PTPRM: variants seen among roughly 807,000 people sequenced by gnomAD.
The protein encoded by PTPRM is receptor-type tyrosine-protein phosphatase mu.
A neutral mutation model predicts 186.7 loss-of-function variants in PTPRM; 47 were observed. That is an observed-to-expected ratio of 0.25 (90% CI 0.20 to 0.32). PTPRM has a LOEUF of 0.32. Ranked by LOEUF, PTPRM falls within the 10% of genes least tolerant of loss-of-function variation. The pLI is 1.00. For synonymous variants in PTPRM, 668 were observed against 674.9 expected (o/e 0.99, Z 0.16); for missense variants, 1,494 against 1,865.0 (o/e 0.80, Z 3.66).
intron 2 of PTPRM, among the ~76,000 whole-genome samples, chr18:7,786,137 G>A (rs1464385117): frequency 3.9e-5 from 6 of 152,132 alleles, no homozygotes; most frequent in Non-Finnish European, 8.8e-5. Flanking sequence ...TATTCTAGGA[G>A]ATTGTGATGA....
chr18:8,319,267 A>G (rs1601788646), intron 22 of PTPRM, 53 bp downstream of exon 22: 1 of 1,346,892 alleles, frequency 7.4e-7, no homozygotes, highest in East Asian at 2.3e-5. Context: ...CCCACTTCCT[A>G]TCATTTTGTA....
chr18:8,292,065 T>C (rs2095049103), intron 19 of PTPRM, among the ~76,000 whole-genome samples: 1 of 152,166 alleles, frequency 6.6e-6, no homozygotes, highest in Non-Finnish European at 1.5e-5. Flanking sequence ...CTGAGAATTG[T>C]TAGCCAGGAA....
rs554442866 is a variant in PTPRM, at chr18:8,206,206, G to A, written c.2301-37852G>A. Among the ~76,000 whole-genome samples the A allele has an allele frequency of 1.3e-3, 200 of 152,110 alleles. 1 individual carries two copies. Among genetic ancestry groups the A allele is most frequent in the African/African-American group, 4.7e-3 (193 of 41,442 alleles). On this transcript the variant is annotated intron_variant, in intron 14 of 32. Coordinates refer to ENST00000580170, the MANE Select transcript of PTPRM (RefSeq NM_001105244.2). Reference sequence around the variant, plus strand: ...GAAATGCAGAGTGAGATGAGGGGGAGAGAGAAGACTGGAGGCACAAAAAGA... The same window carrying A: ...GAAATGCAGAGTGAGATGAGGGGGAAAGAGAAGACTGGAGGCACAAAAAGA...
chr18:8,376,190 G>T lies in PTPRM; in HGVS notation c.3316G>T (p.Val1106Leu). Residue 1106 changes from valine to leucine, a missense_variant, in exon 25 of 33, where the codon GTG (valine) becomes TTG (leucine). Val to Leu is a conservative substitution (Grantham distance 32). Transcript: ENST00000580170. Reference protein sequence around the residue: ...KSPPSAGPLVVHCSAGAGRTG... With the variant: ...KSPPSAGPLVLHCSAGAGRTG... The stretch of plus-strand genomic sequence containing the variant: ...CCCGCCCAGTGCAGGCCCACTGGTG[G>T]TGCACTGCAGGTAAGCAGAGCTCCA... The T allele has an allele frequency of 6.2e-7, 1 of 1,611,702 alleles. No individual in the cohort carries two copies. The highest frequency in any genetic ancestry group is 1.1e-5 in the South Asian group (1 of 91,062).
chr18:8,297,525 C>T lies in PTPRM; in HGVS notation c.2842+1070C>T, dbSNP rs539272866. On this transcript the variant is annotated intron_variant, in intron 20 of 32. Coordinates refer to ENST00000580170, the MANE Select transcript of PTPRM (RefSeq NM_001105244.2). ...GCCATGAGCCACATAGGAGTAGCTGCACTGTGTACTTGGAATATGGCCGTA... is the reference window on the plus strand; with the variant it reads ...GCCATGAGCCACATAGGAGTAGCTGTACTGTGTACTTGGAATATGGCCGTA... 8.5e-5 allele frequency among the ~76,000 whole-genome samples: 13 copies of T among 152,316 alleles called. No homozygotes were observed. The East Asian group carries it at 2.5e-3, about 29-fold the overall frequency.
chr18:7,652,937 C>T (rs1334321051), intron 1 of PTPRM, among the ~76,000 whole-genome samples: 3 of 151,688 alleles, frequency 2.0e-5, no homozygotes, highest in Non-Finnish European at 2.9e-5. Flanking sequence ...AGGGTTCATG[C>T]CCCAAATATA....
intron 1 of PTPRM, among the ~76,000 whole-genome samples, chr18:7,616,151 G>A (rs572559377): frequency 1.3e-5 from 2 of 152,254 alleles, no homozygotes; most frequent in South Asian, 4.2e-4. Context: ...GTCCAGCTGG[G>A]TTCCTGTTAG....
At chr18:7,952,552 C>T (rs7237788) in intron 6 of PTPRM, among the ~76,000 whole-genome samples, 2,862 of 151,746 alleles carry the variant, frequency 0.019, 104 homozygotes, top group African/African-American at 0.066. Context: ...CAAAATTAGC[C>T]GGGCATGGTG....
intron 13 of PTPRM, among the ~76,000 whole-genome samples, chr18:8,133,602 A>G (rs138577597): frequency 1.8e-3 from 274 of 152,228 alleles, no homozygotes; most frequent in Non-Finnish European, 3.2e-3. Context: ...GATGGATAGG[A>G]TTTGAACCTA....
chr18:8,226,647 A>T (rs1664134352), intron 14 of PTPRM, among the ~76,000 whole-genome samples: 1 of 152,200 alleles, frequency 6.6e-6, no homozygotes, highest in African/African-American at 2.4e-5. Context: ...TAAAATATTA[A>T]AATTCTGAAC....
Position 8,235,267 on chromosome 18 carries a change from T to C in PTPRM, c.2301-8791T>C, listed in dbSNP as rs190950663. Reference sequence around the variant, plus strand: ...AATTTTTTAATAGCTATAGGCCTAGTGAGATTGTGTGTTTCTTCTTGTGTG... The same window carrying C: ...AATTTTTTAATAGCTATAGGCCTAGCGAGATTGTGTGTTTCTTCTTGTGTG... On this transcript the variant is annotated intron_variant, in intron 14 of 32. Coordinates refer to ENST00000580170, the MANE Select transcript of PTPRM (RefSeq NM_001105244.2). 4.3e-3 allele frequency among the ~76,000 whole-genome samples: 658 copies of C among 152,252 alleles called. 3 individuals are homozygous for C. Among genetic ancestry groups the C allele is most frequent in the African/African-American group, 0.015 (618 of 41,562 alleles).
chr18:7,999,238 C>T (rs2083725519), intron 7 of PTPRM, among the ~76,000 whole-genome samples: 1 of 152,102 alleles, frequency 6.6e-6, no homozygotes, highest in Non-Finnish European at 1.5e-5. Flanking sequence ...AACCAAGGTA[C>T]CTGGAGAAAA....
At chr18:7,807,805 G>C (rs1401676007) in intron 2 of PTPRM, among the ~76,000 whole-genome samples, 1 of 152,212 alleles carries the variant, frequency 6.6e-6, no homozygotes, top group African/African-American at 2.4e-5. Context: ...AGTAATATTT[G>C]AATATATGCG....
At chr18:7,905,826 G>T (rs1437655248) in intron 3 of PTPRM, among the ~76,000 whole-genome samples, 3 of 151,648 alleles carry the variant, frequency 2.0e-5, no homozygotes, top group African/African-American at 7.3e-5. Flanking sequence ...TTTTTCACTT[G>T]TGTAAATCTT....
intron 1 of PTPRM, among the ~76,000 whole-genome samples, chr18:7,764,431 C>T (rs1365409456): frequency 6.6e-6 from 1 of 152,192 alleles, no homozygotes; most frequent in Non-Finnish European, 1.5e-5. Flanking sequence ...TTTGAGACTA[C>T]TGATCTCTGG....
At chr18:7,593,445 A>G (rs963500824) in intron 1 of PTPRM, among the ~76,000 whole-genome samples, 9 of 152,178 alleles carry the variant, frequency 5.9e-5, no homozygotes, top group South Asian at 2.1e-4. Context: ...GCTTCCTCAC[A>G]TTATGGAAAT....
At chr18:7,709,677 G>C (rs2040170725) in intron 1 of PTPRM, among the ~76,000 whole-genome samples, 1 of 152,034 alleles carries the variant, frequency 6.6e-6, no homozygotes, top group South Asian at 2.1e-4. Flanking sequence ...ACCAAGAAAA[G>C]AAGATGATGC....
At chr18:7,791,678 A>G (rs76977718) in intron 2 of PTPRM, among the ~76,000 whole-genome samples, 3,042 of 152,310 alleles carry the variant, frequency 0.02, 23 homozygotes, top group Non-Finnish European at 0.026. Context: ...GTAGCTGGCA[A>G]CTTCTGCCCC....
intron 7 of PTPRM, among the ~76,000 whole-genome samples, chr18:7,999,183 A>G (rs747092264): frequency 6.6e-6 from 1 of 152,130 alleles, no homozygotes. Context: ...AACACTTGAG[A>G]GAATCCCATT....
Sources: allele counts gnomAD v4.1 joint callset (sites outside exome capture counted in the v4.1 genomes callset), GRCh38; gene constraint gnomAD v4.1.1; transcripts MANE v1.5; gene names NCBI Gene and HGNC (gene_info 2026-07-23, HGNC 2026-07-21).